Variants in CCDC91 observed in about 807,000 individuals in gnomAD.
CCDC91 encodes coiled-coil domain containing 91.
Under a neutral mutation model 63.2 loss-of-function variants are expected in CCDC91, and 48 were observed. The observed-to-expected ratio is 0.76, with a 90% confidence interval of 0.60 to 0.97. The LOEUF (loss-of-function observed/expected upper bound fraction) is 0.97. CCDC91 is among the 50% of genes least tolerant of loss of function. The pLI, the probability that CCDC91 is intolerant of heterozygous loss-of-function variation, is 0.00. For missense variants in CCDC91, 500 were observed against 494.6 expected (o/e 1.01, Z -0.10); for synonymous variants, 167 against 165.8 (o/e 1.01, Z -0.06).
chr12:28,396,935 G>A (rs1248964218), intron 8 of CCDC91, among the ~76,000 whole-genome samples: 1 of 152,090 alleles, frequency 6.6e-6, no homozygotes, highest in Non-Finnish European at 1.5e-5. Context: ...TTACGAGAAA[G>A]CTGGTAATAG....
chr12:28,346,495 C>T (rs1279561977), intron 6 of CCDC91, among the ~76,000 whole-genome samples: 1 of 152,074 alleles, frequency 6.6e-6, no homozygotes, highest in African/African-American at 2.4e-5. Flanking sequence ...CTATATTTGT[C>T]TATTGTCTAG....
At chr12:28,473,197 T>A (rs1348986011) in intron 11 of CCDC91, among the ~76,000 whole-genome samples, 1 of 152,178 alleles carries the variant, frequency 6.6e-6, no homozygotes, top group Admixed American at 6.6e-5. Flanking sequence ...AGAAAAACTT[T>A]CAGTCAAAGC....
At chr12:28,296,627 TACATATAATGTATAA>T (rs1237863823) in intron 3 of CCDC91, among the ~76,000 whole-genome samples, 6 of 151,876 alleles carry the variant, frequency 4.0e-5, no homozygotes, top group Non-Finnish European at 8.8e-5. Flanking sequence ...TATATATCTA[TACATATAATGTATAA>T]ACATATACAT....
At chr12:28,271,870 AATAC>A (rs1261314966) in intron 3 of CCDC91, among the ~76,000 whole-genome samples, 6 of 149,550 alleles carry the variant, frequency 4.0e-5, no homozygotes, top group Non-Finnish European at 7.4e-5. Flanking sequence ...ATGCATATGA[AATAC>A]ATACTCAATA....
At chr12:28,409,007 A>T (rs1416266187) in intron 8 of CCDC91, among the ~76,000 whole-genome samples, 2 of 152,220 alleles carry the variant, frequency 1.3e-5, no homozygotes, top group African/African-American at 2.4e-5. Flanking sequence ...TAGGGTTTAT[A>T]GAATTTTCTA....
chr12:28,305,678 C>G lies in CCDC91; in HGVS notation c.139C>G (p.Pro47Ala). 1 of 1,612,652 alleles carries G rather than the reference C, an allele frequency of 6.2e-7. No homozygotes were observed. The highest frequency in any genetic ancestry group is 8.5e-7 in the Non-Finnish European group (1 of 1,179,186). The change falls in exon 4 of 13, where the codon CCT becomes GCT. Residue 47 changes from proline to alanine, a missense_variant. Coordinates refer to ENST00000536442, the MANE Select transcript of CCDC91 (RefSeq NM_018318.5). ...TGGAGTCCATCTTTCACCATCTTCT[C>G]CTGAGATTGTACTGGACCGTGACCA... ...VSGVHLSPSS[P>A]EIVLDRDHSS...
At chr12:28,480,741 A>T (rs1951400851) in intron 11 of CCDC91, among the ~76,000 whole-genome samples, 1 of 152,078 alleles carries the variant, frequency 6.6e-6, no homozygotes, top group Non-Finnish European at 1.5e-5. Flanking sequence ...CAGAAAATTA[A>T]ACAACCACAT....
intron 11 of CCDC91, 108 bp from the exon 12 acceptor site, chr12:28,483,944 A>G (rs1951580256): frequency 1.7e-6 from 1 of 588,050 alleles, no homozygotes; most frequent in East Asian, 2.9e-5. Context: ...TACACTTTGA[A>G]TAGAATGAGC....
At chr12:28,530,777 A>G (rs1440252833) in intron 12 of CCDC91, among the ~76,000 whole-genome samples, 1 of 152,140 alleles carries the variant, frequency 6.6e-6, no homozygotes, top group East Asian at 1.9e-4. Context: ...ACTGCTAAAT[A>G]AAGCAGTTTT....
rs554215927 is a variant in CCDC91, at chr12:28,237,005, C to T, written c.-14-20197C>T. 5.4e-4 allele frequency among the ~76,000 whole-genome samples: 82 copies of T among 151,966 alleles called. 1 individual carries two copies. The highest frequency in any genetic ancestry group is 3.4e-3 in the Middle Eastern group (1 of 292). ...ATATAGTAGGGACTCTTTTTAGAGA[C>T]TTCTTTTATAGAAAATTGTAGGTAG... On this transcript the variant is annotated intron_variant, in intron 1 of 12. Transcript: ENST00000536442.
chr12:28,520,294 T>C (rs967926741), intron 12 of CCDC91, among the ~76,000 whole-genome samples: 3 of 152,154 alleles, frequency 2.0e-5, no homozygotes, highest in Non-Finnish European at 2.9e-5. Context: ...CTCATTGTGG[T>C]TTTGATTTGC....
chr12:28,296,418 T>C (rs1044583208), intron 3 of CCDC91, among the ~76,000 whole-genome samples: 1 of 151,896 alleles, frequency 6.6e-6, no homozygotes, highest in Admixed American at 6.6e-5. Context: ...GTTTATAGTA[T>C]GCCAATAACT....
chr12:28,488,024 T>C (rs1592822839), intron 12 of CCDC91, among the ~76,000 whole-genome samples: 1 of 151,800 alleles, frequency 6.6e-6, no homozygotes, highest in Non-Finnish European at 1.5e-5. Context: ...TAAAACACAA[T>C]GGATTTACAA....
chr12:28,198,857 CT>C (rs1941982804), intron 1 of CCDC91: 1 of 150,866 alleles, frequency 6.6e-6, no homozygotes, highest in Non-Finnish European at 1.5e-5. Context: ...TACATTATTG[CT>C]TTCTCTGCCT....
chr12:28,257,737 T>C (rs1422788696), intron 2 of CCDC91, among the ~76,000 whole-genome samples: 1 of 152,094 alleles, frequency 6.6e-6, no homozygotes. Context: ...AATGGATACT[T>C]TGTAAGTGGA....
intron 3 of CCDC91, chr12:28,304,838 G>T (rs1205759655): frequency 3.2e-6 from 1 of 315,028 alleles, no homozygotes; most frequent in African/African-American, 2.2e-5. Flanking sequence ...GGAAAATCAA[G>T]TAATATATGT....
chr12:28,270,555 T>G (rs1947693859), intron 3 of CCDC91, among the ~76,000 whole-genome samples: 1 of 152,096 alleles, frequency 6.6e-6, no homozygotes, highest in Non-Finnish European at 1.5e-5. Context: ...TCTTAAAAAT[T>G]TACGAACACA....
At chr12:28,194,436 G>A (rs567670324) in intron 1 of CCDC91, among the ~76,000 whole-genome samples, 149 of 152,262 alleles carry the variant, frequency 9.8e-4, no homozygotes, top group African/African-American at 3.4e-3. Context: ...TGGTGTGTCC[G>A]GAGTTTGTTC....
At chr12:28,517,114 G>C (rs1940034826) in intron 12 of CCDC91, among the ~76,000 whole-genome samples, 1 of 151,898 alleles carries the variant, frequency 6.6e-6, no homozygotes, top group Non-Finnish European at 1.5e-5. Flanking sequence ...GTGCTCCAAA[G>C]GCTGTGCTAA....
Sources: gnomAD v4.1 joint callset for allele counts (sites outside exome capture counted in the v4.1 genomes callset) on GRCh38, gnomAD v4.1.1 for gene constraint, MANE v1.5 for transcripts, NCBI Gene and HGNC (gene_info 2026-07-23, HGNC 2026-07-21) for gene names.